The following RREB1 variants were observed in gnomAD, a reference collection of about 807,000 sequenced individuals.
RREB1 encodes ras responsive element binding protein 1.
RREB1 carries 27 observed loss-of-function variants against 117.8 expected under a neutral mutation model. That is an observed-to-expected ratio of 0.23 (90% confidence interval 0.17 to 0.32). RREB1 has a LOEUF of 0.32. Ranked by LOEUF, RREB1 falls within the 10% of genes least tolerant of loss-of-function variation. RREB1 has a pLI of 1.00. For missense variants in RREB1, 2,577 were observed against 2,378.2 expected, an observed-to-expected ratio of 1.08 and a Z score of -1.74; for synonymous variants, 1,298 against 1,026.7, an observed-to-expected ratio of 1.26 and a Z score of -5.05.
chr6:7,113,833 T>G (rs1315773539), intron 1 of RREB1, among the ~76,000 whole-genome samples: 1 of 152,254 alleles, frequency 6.6e-6, no homozygotes, highest in Non-Finnish European at 1.5e-5. Flanking sequence ...GCATTTCTGT[T>G]GATGAACTGT....
At chr6:7,157,821 C>T (rs1278915352) in intron 1 of RREB1, among the ~76,000 whole-genome samples, 2 of 152,080 alleles carry the variant, frequency 1.3e-5, no homozygotes, top group Non-Finnish European at 2.9e-5. Context: ...CACTGTTCCT[C>T]TTTGCTCTTT....
intron 10 of RREB1, among the ~76,000 whole-genome samples, chr6:7,232,412 G>A (rs139596574): frequency 7.9e-5 from 12 of 152,288 alleles, no homozygotes; most frequent in Non-Finnish European, 1.6e-4. Flanking sequence ...AGAGAAATAT[G>A]ACAAATTGTG....
At chr6:7,132,596 T>G (rs951615175) in intron 1 of RREB1, among the ~76,000 whole-genome samples, 2 of 152,262 alleles carry the variant, frequency 1.3e-5, no homozygotes, top group African/African-American at 2.4e-5. Context: ...TTGACCTGTT[T>G]CACAGGTGGC....
intron 8 of RREB1, among the ~76,000 whole-genome samples, chr6:7,225,486 C>T (rs1276250727): frequency 6.6e-6 from 1 of 152,100 alleles, no homozygotes; most frequent in African/African-American, 2.4e-5. Flanking sequence ...CCCATCTGCA[C>T]ACTGATGTAA....
chr6:7,161,387 G>A (rs1053889133), intron 1 of RREB1, among the ~76,000 whole-genome samples: 1 of 152,078 alleles, frequency 6.6e-6, no homozygotes, highest in African/African-American at 2.4e-5. Flanking sequence ...CCTGCTTTAG[G>A]GTTTAAAAAC....
At chr6:7,113,811 C>T (rs78604857) in intron 1 of RREB1, among the ~76,000 whole-genome samples, 43 of 152,328 alleles carry the variant, frequency 2.8e-4, no homozygotes, top group African/African-American at 9.9e-4. Context: ...AAAAGCACTT[C>T]TGCTCTTGGT....
intron 1 of RREB1, among the ~76,000 whole-genome samples, chr6:7,160,421 C>G (rs1763595252): frequency 6.6e-6 from 1 of 152,168 alleles, no homozygotes; most frequent in Non-Finnish European, 1.5e-5. Context: ...CTTTTCTAGA[C>G]TTTATCCATA....
Position 7,249,101 on chromosome 6 carries a change from G to GAGAGAGAGACAGAC in RREB1, c.*136_*137insGAGAGACAGACAGA, listed in dbSNP as rs1561812153. 8.4e-6 allele frequency: 5 copies of GAGAGAGAGACAGAC among 591,948 alleles called. No homozygotes were observed. The African/African-American group carries it at 1.0e-4, about 12-fold the overall frequency. The allele number at this position is 591,948 out of a possible 1,614,324, so 36.7% of individuals were successfully genotyped here. ...AGAGAGAGAGAGAGAGAGAGAGAGAGAGACAAGCAGGAGCGTGGCTGCTCG... is the reference window on the plus strand; with the variant it reads ...AGAGAGAGAGAGAGAGAGAGAGAGAGAGAGAGAGACAGACAGACAAGCAGGAGCGTGGCTGCTCG... On this transcript the variant is annotated 3_prime_UTR_variant, in exon 13 of 13. Coordinates refer to ENST00000379938, the MANE Select transcript of RREB1 (RefSeq NM_001003699.4).
chr6:7,132,949 A>T (rs1306081629), intron 1 of RREB1, among the ~76,000 whole-genome samples: 1 of 152,214 alleles, frequency 6.6e-6, no homozygotes, highest in Non-Finnish European at 1.5e-5. Flanking sequence ...AACATGTTTA[A>T]TTAATGCAGT....
At chr6:7,217,859 A>G (rs1179582419) in intron 8 of RREB1, 2 of 152,240 alleles carry the variant, frequency 1.3e-5, no homozygotes, top group African/African-American at 4.8e-5. Flanking sequence ...AATGGAATTG[A>G]AAAGGAGTCA....
rs1360425922 is a variant in RREB1, at chr6:7,246,829, T to C, written c.4379T>C (p.Leu1460Pro). ...ACCTGTGGGAAGAGCTTCAAGTTCC[T>C]GGGCACCCTGAGCCGCCACCGGAAG... The part of the protein sequence containing the change: ...CDTCGKSFKF[L>P]GTLSRHRKAH... Residue 1460 changes from leucine (L) to proline (P), a missense_variant, in exon 12 of 13, where the codon CTG becomes CCG. Coordinates refer to ENST00000379938, the MANE Select transcript of RREB1 (RefSeq NM_001003699.4). 3.9e-6 allele frequency: 6 copies of C among 1,553,364 alleles called. No homozygotes were observed. Among genetic ancestry groups the C allele is most frequent in the Non-Finnish European group, 5.2e-6 (6 of 1,148,768 alleles).
chr6:7,118,974 C>T (rs1347028870), intron 1 of RREB1, among the ~76,000 whole-genome samples: 1 of 151,648 alleles, frequency 6.6e-6, no homozygotes, highest in Non-Finnish European at 1.5e-5. Context: ...ATTTTTTTAA[C>T]ATTTACAGAT....
At chr6:7,152,383 A>G (rs547527886) in intron 1 of RREB1, among the ~76,000 whole-genome samples, 4 of 152,292 alleles carry the variant, frequency 2.6e-5, no homozygotes, top group East Asian at 1.9e-4. Context: ...ATTATTGTTA[A>G]TTGACTTTTT....
chr6:7,249,919 G>C lies in RREB1; in HGVS notation c.*951G>C, dbSNP rs571375500. The stretch of plus-strand genomic sequence containing the variant: ...GCCGCACCCAGGTCCCCGTGTTAAC[G>C]TGTGCCTGCGGTTGTGGTTGGCACC... On this transcript the variant is annotated 3_prime_UTR_variant, in exon 13 of 13. Transcript: ENST00000379938. 2 of 152,672 alleles carry C rather than the reference G, an allele frequency of 1.3e-5. No homozygotes were observed. Among genetic ancestry groups the C allele is most frequent in the Non-Finnish European group, 2.9e-5 (2 of 68,028 alleles). 9.5% of individuals were successfully genotyped at this position (152,672 alleles called of 1,614,324 possible).
chr6:7,139,117 G>A (rs1762457927), intron 1 of RREB1: 2 of 152,068 alleles, frequency 1.3e-5, no homozygotes, highest in African/African-American at 4.8e-5. Context: ...TGCCTGCCTG[G>A]TACTGGCTGA....
intron 1 of RREB1, among the ~76,000 whole-genome samples, chr6:7,114,841 A>G (rs1000780691): frequency 6.6e-6 from 1 of 152,172 alleles, no homozygotes; most frequent in African/African-American, 2.4e-5. Context: ...GAAGTCATCT[A>G]CTTCTAAAAC....
chr6:7,124,482 A>G (rs528376872), intron 1 of RREB1, among the ~76,000 whole-genome samples: 1 of 152,212 alleles, frequency 6.6e-6, no homozygotes, highest in African/African-American at 2.4e-5. Context: ...GTGTCTCTTC[A>G]GGAAACTGAG....
chr6:7,172,696 G>A (rs564663989), intron 1 of RREB1, among the ~76,000 whole-genome samples: 1 of 147,230 alleles, frequency 6.8e-6, no homozygotes, highest in African/African-American at 2.6e-5. Flanking sequence ...CGGTGTGGGG[G>A]GGTGGGGGTG....
At position 7,211,660 on chromosome 6, in the gene RREB1, A is replaced by G. The variant is rs1376290101; in HGVS notation, c.658A>G (p.Lys220Glu). ...CPVCFKEFVC[K>E]YGLETHMETH... is the part of the protein sequence containing the mutation. Reference sequence around the variant, plus strand: ...AGTATGTTTCAAGGAGTTTGTTTGCAAGTATGGACTGGAGACCCACATGGA... The same window carrying G: ...AGTATGTTTCAAGGAGTTTGTTTGCGAGTATGGACTGGAGACCCACATGGA... The change falls in exon 8 of 13, where the codon AAG (lysine) becomes GAG (glutamate). Residue 220 changes from lysine to glutamate, a missense_variant. Transcript: ENST00000379938. The G allele has an allele frequency of 1.9e-6, 3 of 1,614,114 alleles. No homozygotes were observed. The highest frequency in any genetic ancestry group is 2.5e-6 in the Non-Finnish European group (3 of 1,179,966).
Sources: allele counts gnomAD v4.1 joint callset (sites outside exome capture counted in the v4.1 genomes callset), GRCh38; gene constraint gnomAD v4.1.1; transcripts MANE v1.5; gene names NCBI Gene and HGNC (gene_info 2026-07-23, HGNC 2026-07-21).